Variants in GNG7 observed in about 807,000 individuals in gnomAD.
GNG7 encodes G protein subunit gamma 7.
In GNG7, 1 loss-of-function variant was observed where a neutral mutation model predicts 4.0. The observed-to-expected ratio is 0.25, with a 90% CI of 0.09 to 1.18. The LOEUF is 1.18. Ranked by LOEUF, GNG7 falls within the 50% of genes most tolerant of loss-of-function variation. GNG7 has a pLI of 0.50. For missense variants in GNG7, 86 were observed against 91.9 expected (o/e 0.94, Z 0.26); for synonymous variants, 34 against 36.9 (o/e 0.92, Z 0.29).
At chr19:2,581,713 C>A (rs1980510417) in intron 2 of GNG7, among the ~76,000 whole-genome samples, 1 of 152,228 alleles carries the variant, frequency 6.6e-6, no homozygotes, top group Non-Finnish European at 1.5e-5. Flanking sequence ...CTCTGCATCA[C>A]CCAACAGGTG....
intron 2 of GNG7, among the ~76,000 whole-genome samples, chr19:2,596,444 A>C (rs1981023571): frequency 6.6e-6 from 1 of 152,036 alleles, no homozygotes; most frequent in Admixed American, 6.6e-5. Context: ...AGGCAGGAAA[A>C]TCACTTGAGC....
intron 1 of GNG7, among the ~76,000 whole-genome samples, chr19:2,660,692 G>A (rs1053361692): frequency 3.3e-5 from 5 of 152,226 alleles, no homozygotes; most frequent in Non-Finnish European, 7.3e-5. Context: ...TTGGAAGCCT[G>A]AGGCAGGAGG....
intron 1 of GNG7, among the ~76,000 whole-genome samples, chr19:2,670,443 G>C (rs1983423017): frequency 6.6e-6 from 1 of 152,234 alleles, no homozygotes; most frequent in Non-Finnish European, 1.5e-5. Context: ...CAGGCACACA[G>C]GTCACCCTGA....
intron 2 of GNG7, among the ~76,000 whole-genome samples, chr19:2,625,789 T>C (rs1024539488): frequency 2.0e-5 from 3 of 151,872 alleles, no homozygotes; most frequent in South Asian, 2.1e-4. Context: ...GGTTTTTTGT[T>C]TGTTTTTGTT....
intron 3 of GNG7, among the ~76,000 whole-genome samples, chr19:2,526,914 C>T (rs569267864): frequency 1.4e-4 from 21 of 151,754 alleles, no homozygotes; most frequent in African/African-American, 4.8e-4. Flanking sequence ...GGCACAATCT[C>T]GGCTCACTGC....
intron 2 of GNG7, chr19:2,642,328 C>G (rs1050439223): frequency 4.9e-5 from 11 of 226,622 alleles, no homozygotes; most frequent in African/African-American, 2.3e-4. Context: ...ACTATTAGCT[C>G]CGCAGCTGCT....
At chr19:2,681,603 G>C (rs995417715) in intron 1 of GNG7, among the ~76,000 whole-genome samples, 1 of 152,094 alleles carries the variant, frequency 6.6e-6, no homozygotes, top group Non-Finnish European at 1.5e-5. Context: ...GTGGACATAC[G>C]CTTTCACTTC....
chr19:2,542,175 C>T (rs1418839828), intron 3 of GNG7, among the ~76,000 whole-genome samples: 4 of 130,570 alleles, frequency 3.1e-5, no homozygotes, highest in South Asian at 4.9e-4. Flanking sequence ...AGTGCAATGG[C>T]GTGATCTCGG....
intron 3 of GNG7, among the ~76,000 whole-genome samples, chr19:2,539,408 G>A (rs573754034): frequency 2.7e-5 from 4 of 150,336 alleles, no homozygotes; most frequent in South Asian, 4.2e-4. Flanking sequence ...TGATTCAAGC[G>A]ATTCTCCTGC....
chr19:2,521,612 G>GGTT (rs1177641184), intron 3 of GNG7, among the ~76,000 whole-genome samples: 2 of 104,690 alleles, frequency 1.9e-5, no homozygotes, highest in East Asian at 3.3e-4. Context: ...CCCCCTCCGT[G>GGTT]TTTTTTTTTT....
At position 2,513,629 on chromosome 19, in the gene GNG7, A is replaced by G. The variant is rs1224743282; in HGVS notation, c.*1393T>C. The G allele has an allele frequency of 1.0e-6, 1 of 960,258 alleles. No individual in the cohort carries two copies. Among genetic ancestry groups the G allele is most frequent in the Non-Finnish European group, 1.2e-6 (1 of 807,110 alleles). 59.5% of individuals were successfully genotyped at this position (960,258 alleles called of 1,614,324 possible). On this transcript the variant is annotated 3_prime_UTR_variant, in exon 5 of 5. Coordinates refer to ENST00000382159, the MANE Select transcript of GNG7 (RefSeq NM_052847.3). ...GCCGTCCTGGGTTGCACGGGGGTGG[A>G]AAAGCAAAAAGATCGGGTTCGAGCG...
chr19:2,520,504 C>T lies in GNG7; in HGVS notation c.81+104G>A, dbSNP rs188061507. 15 of 659,158 alleles carry T rather than the reference C, an allele frequency of 2.3e-5. No individual in the cohort carries two copies. In the East Asian group the frequency reaches 4.2e-4, roughly 18 times the overall value. The allele number at this position is 659,158 out of a possible 1,614,324, so 40.8% of individuals were successfully genotyped here. A position where few individuals can be genotyped will look rare whatever the true frequency, so the allele number is the denominator to read the frequency against. On this transcript the variant is annotated intron_variant, in intron 4 of 4. Coordinates refer to ENST00000382159, the MANE Select transcript of GNG7 (RefSeq NM_052847.3). ...CCTCAAGGTCACACAGCAAGAGACA[C>T]AGTTGGGGTGCAAGCCTCTGCCCTC...
chr19:2,519,457 G>A (rs1179722259), intron 4 of GNG7, among the ~76,000 whole-genome samples: 1 of 151,830 alleles, frequency 6.6e-6, no homozygotes, highest in Non-Finnish European at 1.5e-5. Context: ...CGCTCAGCCT[G>A]TTTTTTATTT....
At position 2,520,625 on chromosome 19, in the gene GNG7, C is replaced by CG; in HGVS notation, c.63dup (p.Gly22ArgfsTer3). ...GGGCTCACCTTGATGCGCTCAATCC[C>CG]GGCTTCTATGCGTAGCTGTTCCACC... is the stretch of plus-strand genomic sequence containing the variant. On this transcript the variant is annotated frameshift_variant, in exon 4 of 5. Coordinates refer to ENST00000382159, the MANE Select transcript of GNG7 (RefSeq NM_052847.3). LOFTEE classifies it high-confidence loss of function. The CG allele has an allele frequency of 6.5e-7, 1 of 1,549,500 alleles. No individual in the cohort carries two copies. The highest frequency in any genetic ancestry group is 8.8e-7 in the Non-Finnish European group (1 of 1,142,846).
rs1029915032 is a variant in GNG7 at position 2,653,019 on chromosome 19, A to T, written c.-134-6739T>A. 6.6e-6 allele frequency among the ~76,000 whole-genome samples: 1 copy of T among 151,174 alleles called. No homozygotes were observed. The highest frequency in any genetic ancestry group is 1.5e-5 in the Non-Finnish European group (1 of 67,746). ...GCTCCAGGGATCACGTGAGCCCAGAAGGCAGAGGCTGCAGTGAACCGAGAT... is the reference window on the plus strand; with the variant it reads ...GCTCCAGGGATCACGTGAGCCCAGATGGCAGAGGCTGCAGTGAACCGAGAT... On this transcript the variant is annotated intron_variant, in intron 1 of 4. Coordinates refer to ENST00000382159, the MANE Select transcript of GNG7 (RefSeq NM_052847.3). This position sits in a 1 kb window ranked among gnomAD's most constrained non-coding sequence, Gnocchi z 4.8.
chr19:2,574,297 C>G (rs1980241879), intron 2 of GNG7, among the ~76,000 whole-genome samples: 1 of 152,190 alleles, frequency 6.6e-6, no homozygotes, highest in Admixed American at 6.5e-5. Flanking sequence ...TTTCTCACTA[C>G]AATGTTGTGC....
At chr19:2,607,562 T>TAA (rs57077280) in intron 2 of GNG7, among the ~76,000 whole-genome samples, 33 of 110,606 alleles carry the variant, frequency 3.0e-4, no homozygotes, top group Admixed American at 4.9e-4. Context: ...ACTAAAATGG[T>TAA]AAAAAAAAAA....
chr19:2,695,719 G>A (rs1264632873), intron 1 of GNG7, among the ~76,000 whole-genome samples: 3 of 152,110 alleles, frequency 2.0e-5, no homozygotes, highest in African/African-American at 7.2e-5. Context: ...AGGCAGGGAA[G>A]TGACCGTCTG....
chr19:2,685,343 G>T lies in GNG7; in HGVS notation c.-135+17303C>A, dbSNP rs1049554288. Among the ~76,000 whole-genome samples, 8 of 152,032 alleles carry T rather than the reference G, an allele frequency of 5.3e-5. No individual in the cohort carries two copies. The South Asian group carries it at 1.5e-3, about 28-fold the overall frequency. On this transcript the variant is annotated intron_variant, in intron 1 of 4. Transcript: ENST00000382159. ...TACCACAATGAAAAATGAAGAGAAG[G>T]CTGGGTGCAGTGGGTCACACCTGTA...
Sources: allele counts gnomAD v4.1 joint callset (sites outside exome capture counted in the v4.1 genomes callset), GRCh38; gene constraint gnomAD v4.1.1; non-coding constraint Gnocchi (gnomAD v3.1); transcripts MANE v1.5; gene names NCBI Gene and HGNC (gene_info 2026-07-23, HGNC 2026-07-21).